Variants in GULP1 observed in about 807,000 individuals in gnomAD.
GULP1 encodes the protein GULP PTB domain containing engulfment adaptor 1.
A neutral mutation model predicts 40.9 loss-of-function variants in GULP1; 19 were observed. The ratio of observed to expected loss-of-function variants is 0.46; its 90% CI spans 0.32 to 0.68. The LOEUF is 0.68. GULP1 is among the 30% of genes least tolerant of loss of function. The pLI, the probability that GULP1 is intolerant of heterozygous loss-of-function variation, is 0.03. For synonymous variants in GULP1, 119 were observed against 117.6 expected (o/e 1.01, Z -0.08); for missense variants, 312 against 362.2 (o/e 0.86, Z 1.12).
In GULP1 at chr2:188,584,263, AG is replaced by A; in HGVS notation, c.610del. ...ACCCTAATTCATTTATTTTCATTGCAGGCAGGCAGTATGACACCTAAGTCGC... is the reference window on the plus strand; with the variant it reads ...ACCCTAATTCATTTATTTTCATTGCAGCAGGCAGTATGACACCTAAGTCGC... On this transcript the variant is annotated splice_acceptor_variant, in intron 9 of 11. Transcript: ENST00000409830. LOFTEE classifies it high-confidence loss of function. 6.3e-7 allele frequency: 1 copy of A among 1,592,640 alleles called. No individual in the cohort carries two copies. Among genetic ancestry groups the A allele is most frequent in the Non-Finnish European group, 8.6e-7 (1 of 1,161,526 alleles).
chr2:188,371,206 G>A (rs2047559124), intron 1 of GULP1, among the ~76,000 whole-genome samples: 1 of 151,890 alleles, frequency 6.6e-6, no homozygotes, highest in African/African-American at 2.4e-5. Flanking sequence ...ATTTTTTTCT[G>A]AAGCAGGGTT....
chr2:188,588,995 G>C (rs879238610), intron 11 of GULP1: 9 of 152,158 alleles, frequency 5.9e-5, no homozygotes, highest in South Asian at 4.1e-4. Flanking sequence ...CATATGTCTT[G>C]AGGTTTTCAA....
chr2:188,439,573 C>T (rs145094671), intron 2 of GULP1, among the ~76,000 whole-genome samples: 1 of 151,930 alleles, frequency 6.6e-6, no homozygotes, highest in South Asian at 2.1e-4. Context: ...TACACATATA[C>T]ACACATGCTA....
chr2:188,406,770 G>T (rs2053173431), intron 2 of GULP1, among the ~76,000 whole-genome samples: 2 of 151,960 alleles, frequency 1.3e-5, no homozygotes, highest in East Asian at 3.9e-4. Flanking sequence ...AGTTCATGAG[G>T]AAGAAAAATA....
chr2:188,509,300 G>A (rs768031012), intron 4 of GULP1, among the ~76,000 whole-genome samples: 11 of 152,030 alleles, frequency 7.2e-5, no homozygotes, highest in East Asian at 1.9e-4. Context: ...TTTTCTTTAC[G>A]GTTCCTTGTG....
At chr2:188,446,766 G>A (rs2058422513) in intron 2 of GULP1, among the ~76,000 whole-genome samples, 1 of 152,182 alleles carries the variant, frequency 6.6e-6, no homozygotes, top group Non-Finnish European at 1.5e-5. Flanking sequence ...TTATATGGAT[G>A]AAGTATGCTT....
At chr2:188,444,245 T>C (rs6719848) in intron 2 of GULP1, among the ~76,000 whole-genome samples, 8,147 of 152,234 alleles carry the variant, frequency 0.054, 718 homozygotes, top group African/African-American at 0.18. Flanking sequence ...AATAACATAT[T>C]GTATTCTTGA....
chr2:188,471,050 A>G (rs1238606703), intron 2 of GULP1, among the ~76,000 whole-genome samples: 2 of 152,098 alleles, frequency 1.3e-5, no homozygotes, highest in East Asian at 3.9e-4. Flanking sequence ...CTAACTCTAT[A>G]TTTTAAAAAT....
intron 2 of GULP1, among the ~76,000 whole-genome samples, chr2:188,456,923 G>A (rs1479277609): frequency 6.6e-6 from 1 of 152,126 alleles, no homozygotes; most frequent in Non-Finnish European, 1.5e-5. Flanking sequence ...GTGAGACATG[G>A]AGTCAAAACA....
At chr2:188,328,141 C>T (rs1207530120) in intron 1 of GULP1, among the ~76,000 whole-genome samples, 1 of 152,056 alleles carries the variant, frequency 6.6e-6, no homozygotes, top group East Asian at 1.9e-4. Flanking sequence ...TATCTGATTA[C>T]CTTTCACAGG....
At chr2:188,302,883 A>T (rs2036384454) in intron 1 of GULP1, among the ~76,000 whole-genome samples, 1 of 152,140 alleles carries the variant, frequency 6.6e-6, no homozygotes, top group Non-Finnish European at 1.5e-5. Context: ...CCTGACTAGT[A>T]ATTTTTCTTC....
chr2:188,469,286 TAA>T (rs980036871), intron 2 of GULP1, among the ~76,000 whole-genome samples: 2 of 152,228 alleles, frequency 1.3e-5, no homozygotes, highest in African/African-American at 4.8e-5. Context: ...GCATCTCATC[TAA>T]GTTATATGGG....
At chr2:188,485,192 A>G (rs1455817927) in intron 4 of GULP1, among the ~76,000 whole-genome samples, 1 of 152,102 alleles carries the variant, frequency 6.6e-6, no homozygotes, top group East Asian at 1.9e-4. Context: ...AGCTTTATAA[A>G]AGATTAAAAG....
chr2:188,423,608 T>A (rs2055754760), intron 2 of GULP1, among the ~76,000 whole-genome samples: 1 of 151,726 alleles, frequency 6.6e-6, no homozygotes, highest in Non-Finnish European at 1.5e-5. Context: ...AAATGTGATA[T>A]AAAAACAAAG....
chr2:188,301,539 C>T (rs2036132926), intron 1 of GULP1, among the ~76,000 whole-genome samples: 1 of 152,112 alleles, frequency 6.6e-6, no homozygotes, highest in Non-Finnish European at 1.5e-5. Flanking sequence ...TTCAAATGTC[C>T]ACTCTTTCCC....
At chr2:188,465,612 G>A (rs2060045156) in intron 2 of GULP1, among the ~76,000 whole-genome samples, 1 of 152,124 alleles carries the variant, frequency 6.6e-6, no homozygotes. Flanking sequence ...TGGGGGAACT[G>A]AAGTTCCAAA....
chr2:188,481,723 A>G lies in GULP1; in HGVS notation c.29-1708A>G, dbSNP rs116136356. 2.5e-3 allele frequency among the ~76,000 whole-genome samples: 377 copies of G among 151,916 alleles called. 3 individuals carry two copies. Among genetic ancestry groups the G allele is most frequent in the African/African-American group, 8.6e-3 (358 of 41,494 alleles). On this transcript the variant is annotated intron_variant, in intron 3 of 11. Coordinates refer to ENST00000409830, the MANE Select transcript of GULP1 (RefSeq NM_016315.4). ...GTGAGAGTTTAGTCAGCGTTTACAT[A>G]CTCCTGAGATGTGTTGTATGTTTTG...
At chr2:188,301,090 C>T (rs2036056249) in intron 1 of GULP1, among the ~76,000 whole-genome samples, 1 of 152,184 alleles carries the variant, frequency 6.6e-6, no homozygotes, top group Admixed American at 6.5e-5. Context: ...TCATAGCTCA[C>T]TGCAGCCTCA....
intron 4 of GULP1, among the ~76,000 whole-genome samples, chr2:188,493,758 A>C (rs377247643): frequency 7.9e-5 from 12 of 152,114 alleles, no homozygotes; most frequent in African/African-American, 2.7e-4. Flanking sequence ...GAAAGGGAAT[A>C]CATTGGTTTA....
Sources: allele counts gnomAD v4.1 joint callset (sites outside exome capture counted in the v4.1 genomes callset), GRCh38; gene constraint gnomAD v4.1.1; transcripts MANE v1.5; gene names NCBI Gene and HGNC (gene_info 2026-07-23, HGNC 2026-07-21).